AUTS2: variants seen among roughly 807,000 people sequenced by gnomAD.
AUTS2 encodes the protein activator of transcription and developmental regulator AUTS2.
In AUTS2, 17 loss-of-function variants were observed where a neutral mutation model predicts 112.4. That is an observed-to-expected ratio of 0.15 (90% CI 0.10 to 0.23). The LOEUF is 0.23. Ranked by LOEUF, AUTS2 falls within the 10% of genes least tolerant of loss-of-function variation. AUTS2 has a pLI of 1.00. For missense variants in AUTS2, 1,510 were observed against 1,701.6 expected, an observed-to-expected ratio of 0.89 and a Z score of 1.98; for synonymous variants, 751 against 702.7, an observed-to-expected ratio of 1.07 and a Z score of -1.09.
At chr7:70,442,892 C>A (rs900546804) in intron 5 of AUTS2, among the ~76,000 whole-genome samples, 1 of 152,132 alleles carries the variant, frequency 6.6e-6, no homozygotes, top group Non-Finnish European at 1.5e-5. Context: ...TTTTATTGTT[C>A]TTCCAAAATC....
chr7:69,871,160 C>T (rs1201278046), intron 1 of AUTS2, among the ~76,000 whole-genome samples: 1 of 152,102 alleles, frequency 6.6e-6, no homozygotes, highest in Non-Finnish European at 1.5e-5. Context: ...TCCCTTTCCT[C>T]CTGTGTCATT....
intron 1 of AUTS2, among the ~76,000 whole-genome samples, chr7:69,865,453 C>T (rs1237652317): frequency 1.3e-5 from 2 of 152,168 alleles, no homozygotes; most frequent in Non-Finnish European, 2.9e-5. Flanking sequence ...TATCAGGTGG[C>T]ATCCACGCTG....
chr7:70,785,760 GAA>G (rs1347216349), intron 16 of AUTS2, among the ~76,000 whole-genome samples, 193 bp from the exon 17 acceptor site: 3 of 152,250 alleles, frequency 2.0e-5, no homozygotes, highest in African/African-American at 7.2e-5. Context: ...AGAGTCCTCA[GAA>G]ATATTTTGCT....
intron 5 of AUTS2, among the ~76,000 whole-genome samples, chr7:70,589,159 G>A (rs1390555269): frequency 6.6e-6 from 1 of 152,198 alleles, no homozygotes; most frequent in Non-Finnish European, 1.5e-5. Flanking sequence ...TGGTGGCAGT[G>A]GAGCAGTGGC....
chr7:70,422,557 A>G (rs1795266392), intron 4 of AUTS2, among the ~76,000 whole-genome samples: 1 of 152,122 alleles, frequency 6.6e-6, no homozygotes, highest in Non-Finnish European at 1.5e-5. Flanking sequence ...TGGGTGGATC[A>G]CCTGAGGTCA....
At chr7:70,621,185 T>C (rs1804653902) in intron 5 of AUTS2, among the ~76,000 whole-genome samples, 1 of 152,244 alleles carries the variant, frequency 6.6e-6, no homozygotes, top group African/African-American at 2.4e-5. Context: ...TGAGTGTTTC[T>C]GCCCCACAGT....
intron 4 of AUTS2, among the ~76,000 whole-genome samples, chr7:70,365,695 T>A (rs550084411): frequency 7.9e-5 from 12 of 152,364 alleles, no homozygotes; most frequent in Non-Finnish European, 1.5e-4. Flanking sequence ...GACAAGGAAC[T>A]AAGTGTATTT....
At chr7:69,769,582 A>G (rs1259407252) in intron 1 of AUTS2, among the ~76,000 whole-genome samples, 2 of 152,164 alleles carry the variant, frequency 1.3e-5, no homozygotes, top group Non-Finnish European at 2.9e-5. Context: ...TCAGATTATG[A>G]TATGTTTGCA....
intron 1 of AUTS2, among the ~76,000 whole-genome samples, chr7:69,709,343 T>C (rs966317174): frequency 2.0e-5 from 3 of 152,158 alleles, no homozygotes; most frequent in Non-Finnish European, 2.9e-5. Context: ...GTGTGTTCAT[T>C]GTAAACCACT....
At chr7:70,537,297 A>G (rs1380071605) in intron 5 of AUTS2, among the ~76,000 whole-genome samples, 1 of 152,232 alleles carries the variant, frequency 6.6e-6, no homozygotes, top group Non-Finnish European at 1.5e-5. Context: ...AGCTACATCC[A>G]TCCACTCCCA....
intron 4 of AUTS2, among the ~76,000 whole-genome samples, chr7:70,325,146 A>G (rs2129618279): frequency 6.6e-6 from 1 of 152,234 alleles, no homozygotes; most frequent in Middle Eastern, 3.4e-3. Context: ...TTGTCCTCAC[A>G]GCTAGTCACC....
intron 5 of AUTS2, among the ~76,000 whole-genome samples, chr7:70,682,566 C>T (rs1213568979): frequency 6.6e-6 from 1 of 152,206 alleles, no homozygotes; most frequent in African/African-American, 2.4e-5. Context: ...GGCAGGAACA[C>T]AAAGGTGGTG....
chr7:70,090,765 G>A (rs566805561), intron 2 of AUTS2, among the ~76,000 whole-genome samples: 9 of 149,068 alleles, frequency 6.0e-5, no homozygotes, highest in Middle Eastern at 3.6e-3. Context: ...TGCCGCCTTC[G>A]CCTCTTGGGT....
At chr7:69,621,406 A>G (rs753135828) in intron 1 of AUTS2, among the ~76,000 whole-genome samples, 1 of 80,742 alleles carries the variant, frequency 1.2e-5, no homozygotes, top group Non-Finnish European at 2.3e-5. Flanking sequence ...CCTCCACTTT[A>G]TCTTTGGATG....
chr7:70,623,009 C>T (rs1246323931), intron 5 of AUTS2, among the ~76,000 whole-genome samples: 1 of 152,158 alleles, frequency 6.6e-6, no homozygotes, highest in African/African-American at 2.4e-5. Flanking sequence ...ATGAACTCTC[C>T]GTGTGCCCTC....
intron 1 of AUTS2, among the ~76,000 whole-genome samples, chr7:69,613,090 C>A (rs1366458133): frequency 6.6e-6 from 1 of 152,172 alleles, no homozygotes; most frequent in Non-Finnish European, 1.5e-5. Context: ...AAGCACAGAG[C>A]CGTTAAATCA....
At chr7:70,502,892 C>T (rs1004465629) in intron 5 of AUTS2, among the ~76,000 whole-genome samples, 3 of 150,954 alleles carry the variant, frequency 2.0e-5, no homozygotes, top group East Asian at 1.9e-4. Context: ...ATGTACCCTC[C>T]ATTGTTTGTC....
chr7:69,780,111 C>T (rs1261772721), intron 1 of AUTS2, among the ~76,000 whole-genome samples: 1 of 152,136 alleles, frequency 6.6e-6, no homozygotes, highest in African/African-American at 2.4e-5. Flanking sequence ...CCACTTTGGC[C>T]TCCCCAAATA....
intron 11 of AUTS2, among the ~76,000 whole-genome samples, chr7:70,773,242 T>C (rs1790471876): frequency 6.6e-6 from 1 of 152,230 alleles, no homozygotes. Flanking sequence ...TTTAACTTCC[T>C]GGTGTGGGGG....
Sources: gnomAD v4.1 joint callset for allele counts (sites outside exome capture counted in the v4.1 genomes callset) on GRCh38, gnomAD v4.1.1 for gene constraint, MANE v1.5 for transcripts, NCBI Gene and HGNC (gene_info 2026-07-23, HGNC 2026-07-21) for gene names.